SCHIP1: variants seen among roughly 807,000 people sequenced by gnomAD.
SCHIP1 encodes the protein schwannomin-interacting protein 1.
SCHIP1 carries 8 observed loss-of-function variants against 29.7 expected under a neutral mutation model. The observed-to-expected ratio is 0.27, with a 90% confidence interval of 0.16 to 0.49. SCHIP1 has a LOEUF of 0.49. Ranked by LOEUF, SCHIP1 falls within the 20% of genes least tolerant of loss-of-function variation. The probability of loss-of-function intolerance (pLI) is 0.99; values close to 1 mark genes in which losing one functional copy is unlikely to be tolerated. For synonymous variants in SCHIP1, 76 were observed against 94.9 expected (o/e 0.80, Z 1.16); for missense variants, 193 against 294.6 (o/e 0.66, Z 2.52).
chr3:159,850,978 T>C (rs898391984), intron 1 of SCHIP1, among the ~76,000 whole-genome samples: 1 of 152,128 alleles, frequency 6.6e-6, no homozygotes, highest in African/African-American at 2.4e-5. Flanking sequence ...CTCTAATCTT[T>C]AAAAGCTATG....
chr3:159,801,180 A>T, the SCHIP1 span, among the ~76,000 whole-genome samples: 3 of 152,200 alleles, frequency 2.0e-5, no homozygotes, highest in African/African-American at 7.2e-5. Flanking sequence ...AAAGCTATAT[A>T]CAAAAGTAAG....
chr3:159,600,752 C>G, the SCHIP1 span, among the ~76,000 whole-genome samples: 1 of 152,010 alleles, frequency 6.6e-6, no homozygotes, highest in African/African-American at 2.4e-5. Context: ...TTTCACATTT[C>G]CTGTGCTCTT....
At chr3:159,572,339 T>TGAGAA in the SCHIP1 span, among the ~76,000 whole-genome samples, 1 of 151,828 alleles carries the variant, frequency 6.6e-6, no homozygotes, top group African/African-American at 2.4e-5. Flanking sequence ...CTCATTGGTT[T>TGAGAA]CAAAGAACAT....
At chr3:159,568,905 C>A in the SCHIP1 span, among the ~76,000 whole-genome samples, 1 of 152,084 alleles carries the variant, frequency 6.6e-6, no homozygotes, top group South Asian at 2.1e-4. Context: ...TAGACATATA[C>A]AAGTTAGAAA....
At chr3:159,585,847 C>T in the SCHIP1 span, among the ~76,000 whole-genome samples, 4 of 152,080 alleles carry the variant, frequency 2.6e-5, no homozygotes, top group Non-Finnish European at 1.5e-5. Context: ...AATGTTTTAT[C>T]ATAATTTTAA....
the SCHIP1 span, among the ~76,000 whole-genome samples, chr3:159,626,236 A>ATATC: frequency 1.5e-4 from 14 of 92,164 alleles, no homozygotes; most frequent in Middle Eastern, 0.01. Flanking sequence ...ATATCTAGAT[A>ATATC]TATCTATCTA....
At chr3:159,376,440 C>A in the SCHIP1 span, among the ~76,000 whole-genome samples, 6 of 152,126 alleles carry the variant, frequency 3.9e-5, no homozygotes, top group African/African-American at 9.7e-5. Flanking sequence ...CTGCCTCCCC[C>A]CAAAAACTTC....
At chr3:159,653,750 A>T in the SCHIP1 span, among the ~76,000 whole-genome samples, 7 of 81,550 alleles carry the variant, frequency 8.6e-5, no homozygotes, top group Admixed American at 5.8e-4. Flanking sequence ...AACTTAAAGT[A>T]AAAAAAAAAA....
chr3:159,522,425 G>A, the SCHIP1 span, among the ~76,000 whole-genome samples: 3 of 152,164 alleles, frequency 2.0e-5, no homozygotes, highest in African/African-American at 7.2e-5. Context: ...GAAAGAGAAG[G>A]TTTCCAAGGT....
At chr3:159,839,127 T>G (rs1403334988), upstream of SCHIP1, among the ~76,000 whole-genome samples, 2 of 152,096 alleles carry the variant, frequency 1.3e-5, no homozygotes, top group Admixed American at 1.3e-4. Flanking sequence ...CAGAAACATG[T>G]ATTGTCTGAC....
the SCHIP1 span, among the ~76,000 whole-genome samples, chr3:159,342,096 ACTGGC>A: frequency 6.6e-6 from 1 of 152,164 alleles, no homozygotes; most frequent in African/African-American, 2.4e-5. Flanking sequence ...AGTGTGGGTG[ACTGGC>A]TTTGCTTTGC....
chr3:159,507,453 T>C, the SCHIP1 span, among the ~76,000 whole-genome samples: 1 of 152,212 alleles, frequency 6.6e-6, no homozygotes, highest in African/African-American at 2.4e-5. Flanking sequence ...TTGAATGTCC[T>C]TTATTTCCTT....
the SCHIP1 span, among the ~76,000 whole-genome samples, chr3:159,713,958 C>A: frequency 6.6e-6 from 1 of 152,208 alleles, no homozygotes; most frequent in East Asian, 1.9e-4. Flanking sequence ...AATAACTGGG[C>A]AGGCACAGTG....
the SCHIP1 span, among the ~76,000 whole-genome samples, chr3:159,485,247 G>A: frequency 6.6e-6 from 1 of 152,164 alleles, no homozygotes; most frequent in East Asian, 1.9e-4. Context: ...AGCCTGCCTG[G>A]GGTCAGGTCC....
At chr3:159,428,567 G>T in the SCHIP1 span, among the ~76,000 whole-genome samples, 1 of 151,848 alleles carries the variant, frequency 6.6e-6, no homozygotes, top group Non-Finnish European at 1.5e-5. Context: ...AGAGGATGTG[G>T]AGAAATAGGA....
the SCHIP1 span, among the ~76,000 whole-genome samples, chr3:159,534,061 G>A: frequency 5.9e-5 from 9 of 152,104 alleles, no homozygotes; most frequent in Admixed American, 3.9e-4. Flanking sequence ...CAAGTTCCAT[G>A]GGGGTAAAAG....
chr3:159,828,141 TG>T, the SCHIP1 span, among the ~76,000 whole-genome samples: 1 of 151,364 alleles, frequency 6.6e-6, no homozygotes, highest in Non-Finnish European at 1.5e-5. Context: ...TCTGACAGCC[TG>T]AAAGTGGGCG....
the SCHIP1 span, among the ~76,000 whole-genome samples, chr3:159,380,425 C>T: frequency 6.6e-6 from 1 of 152,020 alleles, no homozygotes; most frequent in Admixed American, 6.6e-5. Context: ...TGTAGGCCAC[C>T]CAAATTCTAG....
the SCHIP1 span, among the ~76,000 whole-genome samples, chr3:159,660,194 C>T: frequency 6.6e-6 from 1 of 151,738 alleles, no homozygotes; most frequent in Non-Finnish European, 1.5e-5. Context: ...GATTTAGTGC[C>T]CTCTCTCCTT....
Sources: gnomAD v4.1 joint callset for allele counts (sites outside exome capture counted in the v4.1 genomes callset) on GRCh38, gnomAD v4.1.1 for gene constraint, MANE v1.5 for transcripts, NCBI Gene and HGNC (gene_info 2026-07-23, HGNC 2026-07-21) for gene names.